ZMIZ1: variants seen among roughly 807,000 people sequenced by gnomAD.
ZMIZ1 encodes the protein zinc finger MIZ domain-containing protein 1.
In ZMIZ1, 17 loss-of-function variants were observed where a neutral mutation model predicts 113.9. That is an observed-to-expected ratio of 0.15 (90% confidence interval 0.10 to 0.22). The LOEUF is 0.22. ZMIZ1 is among the 10% of genes least tolerant of loss of function. ZMIZ1 has a pLI of 1.00. For missense variants in ZMIZ1, 1,059 were observed against 1,477.8 expected (o/e 0.72, Z 4.65); for synonymous variants, 607 against 603.1 (o/e 1.01, Z -0.09).
At chr10:79,104,950 G>GGGGGGT (rs1190362797) in intron 1 of ZMIZ1, among the ~76,000 whole-genome samples, 1 of 140,092 alleles carries the variant, frequency 7.1e-6, no homozygotes, top group Non-Finnish European at 1.5e-5. Context: ...GTTGTTGTGG[G>GGGGGGT]GTGTGTGTGT....
At chr10:79,231,526 G>C (rs1849393549) in intron 7 of ZMIZ1, among the ~76,000 whole-genome samples, 1 of 151,922 alleles carries the variant, frequency 6.6e-6, no homozygotes, top group Non-Finnish European at 1.5e-5. Flanking sequence ...TTATAGGTGT[G>C]AGCCACCATG....
At chr10:79,127,497 G>T (rs538205724) in intron 2 of ZMIZ1, among the ~76,000 whole-genome samples, 1 of 152,070 alleles carries the variant, frequency 6.6e-6, no homozygotes, top group Non-Finnish European at 1.5e-5. Flanking sequence ...CCCACAGCAG[G>T]GGGTGGCAAG....
At chr10:79,292,023 C>A in intron 10 of ZMIZ1, 135 bp from the exon 11 acceptor site, 1 of 893,322 alleles carries the variant, frequency 1.1e-6, no homozygotes, top group Non-Finnish European at 1.8e-6. Flanking sequence ...AAATGAATGG[C>A]TGCCAATCCC....
intron 8 of ZMIZ1, among the ~76,000 whole-genome samples, 185 bp from the exon 9 acceptor site, chr10:79,289,590 C>G (rs578187128): frequency 4.9e-4 from 75 of 152,316 alleles, no homozygotes; most frequent in African/African-American, 1.6e-3. Context: ...AACAGCCTGT[C>G]ACCATGCAGG....
chr10:79,313,043 T>G lies in ZMIZ1; in HGVS notation c.*294T>G, dbSNP rs1855302520. The G allele has an allele frequency of 2.3e-6, 1 of 431,658 alleles. No homozygotes were observed. Among genetic ancestry groups the G allele is most frequent in the Non-Finnish European group, 4.2e-6 (1 of 237,928 alleles). The allele number at this position is 431,658 out of a possible 1,614,324, so 26.7% of individuals were successfully genotyped here. A position where few individuals can be genotyped will look rare whatever the true frequency, so the allele number is the denominator to read the frequency against. ...ACCCTCCCGAGAGGAACCAGCCCGG[T>G]AAGAGGGCACACGCTGATGCGGCTT... is the stretch of plus-strand genomic sequence containing the variant. On this transcript the variant is annotated 3_prime_UTR_variant, in exon 25 of 25. Transcript: ENST00000334512.
intron 4 of ZMIZ1, among the ~76,000 whole-genome samples, chr10:79,191,108 C>A (rs970348317): frequency 1.3e-5 from 2 of 152,074 alleles, no homozygotes; most frequent in African/African-American, 2.4e-5. Context: ...TGTATGGATG[C>A]CACCTCCACC....
At chr10:79,073,677 C>G (rs1375752252) in intron 1 of ZMIZ1, among the ~76,000 whole-genome samples, 5 of 151,780 alleles carry the variant, frequency 3.3e-5, no homozygotes, top group African/African-American at 4.8e-5. Flanking sequence ...GCTTCTAGCC[C>G]TTATTGGGAA....
intron 8 of ZMIZ1, among the ~76,000 whole-genome samples, chr10:79,279,485 C>T (rs909572842): frequency 1.3e-5 from 2 of 151,166 alleles, no homozygotes; most frequent in African/African-American, 2.4e-5. Context: ...CCAGACTGGG[C>T]GGCCGGGCAG....
At chr10:79,168,527 C>T (rs1846462175) in intron 4 of ZMIZ1, among the ~76,000 whole-genome samples, 1 of 152,202 alleles carries the variant, frequency 6.6e-6, no homozygotes, top group African/African-American at 2.4e-5. Context: ...TGAAGGGCAG[C>T]TGAAAGCCAC....
intron 6 of ZMIZ1, among the ~76,000 whole-genome samples, chr10:79,211,781 C>T (rs1358300989): frequency 2.0e-5 from 3 of 152,252 alleles, no homozygotes; most frequent in Non-Finnish European, 4.4e-5. Context: ...CAGGCCCTTC[C>T]TCCTCCAGTA....
intron 7 of ZMIZ1, among the ~76,000 whole-genome samples, chr10:79,216,626 A>T (rs1848742456): frequency 6.6e-6 from 1 of 152,128 alleles, no homozygotes; most frequent in Non-Finnish European, 1.5e-5. Flanking sequence ...CATTTTACAC[A>T]TGAGGAAACT....
chr10:79,159,317 G>A (rs1033449069), intron 3 of ZMIZ1, among the ~76,000 whole-genome samples: 7 of 152,196 alleles, frequency 4.6e-5, no homozygotes, highest in East Asian at 1.9e-4. Flanking sequence ...TGTGGGCCTC[G>A]GCTAAGGCAC....
intron 1 of ZMIZ1, among the ~76,000 whole-genome samples, chr10:79,083,901 C>T (rs1257786495): frequency 6.6e-6 from 1 of 152,168 alleles, no homozygotes; most frequent in African/African-American, 2.4e-5. Context: ...GCCACTCTGT[C>T]ATAAGGTGGC....
chr10:79,241,069 G>C (rs1360664348), intron 7 of ZMIZ1, among the ~76,000 whole-genome samples: 1 of 152,124 alleles, frequency 6.6e-6, no homozygotes, highest in Non-Finnish European at 1.5e-5. Context: ...AATGGGGAAG[G>C]GTTTGTGTTC....
At position 79,188,947 on chromosome 10, in the gene ZMIZ1, C is replaced by T. The variant is rs1847476258; in HGVS notation, c.-49-12637C>T. Among the ~76,000 whole-genome samples, 3 of 152,314 alleles carry T rather than the reference C, an allele frequency of 2.0e-5. No homozygotes were observed. The South Asian group carries it at 6.2e-4, about 32-fold the overall frequency. ...ACCGGGAATGCTTCGCTCAGGAGCA[C>T]CTCCTGGGACCTGGTTTCCAAGAAA... On this transcript the variant is annotated intron_variant, in intron 4 of 24. Coordinates refer to ENST00000334512, the MANE Select transcript of ZMIZ1 (RefSeq NM_020338.4).
intron 1 of ZMIZ1, among the ~76,000 whole-genome samples, chr10:79,086,499 CTTTTTA>C (rs1564641982): frequency 6.6e-6 from 1 of 152,104 alleles, no homozygotes; most frequent in Non-Finnish European, 1.5e-5. Context: ...ATATAGAATC[CTTTTTA>C]TTTTTATTAC....
intron 1 of ZMIZ1, among the ~76,000 whole-genome samples, chr10:79,081,962 A>G (rs925219418): frequency 1.3e-5 from 2 of 152,382 alleles, no homozygotes; most frequent in African/African-American, 4.8e-5. Context: ...GTCAAACCCC[A>G]GAGGGGACGA....
At chr10:79,248,505 C>T (rs1265274843) in intron 7 of ZMIZ1, among the ~76,000 whole-genome samples, 1 of 152,172 alleles carries the variant, frequency 6.6e-6, no homozygotes, top group Non-Finnish European at 1.5e-5. Context: ...AGCAGGGCTG[C>T]TGCTGAGTAG....
intron 1 of ZMIZ1, among the ~76,000 whole-genome samples, chr10:79,070,392 C>T (rs1842224102): frequency 6.6e-6 from 1 of 152,118 alleles, no homozygotes; most frequent in African/African-American, 2.4e-5. Context: ...CCATTGTGCG[C>T]CAGCAGATTT....
Sources: allele counts gnomAD v4.1 joint callset (sites outside exome capture counted in the v4.1 genomes callset), GRCh38; gene constraint gnomAD v4.1.1; transcripts MANE v1.5; gene names NCBI Gene and HGNC (gene_info 2026-07-23, HGNC 2026-07-21).